CSMD1: variants seen among roughly 807,000 people sequenced by gnomAD.
CSMD1 encodes the protein CUB and sushi domain-containing protein 1.
Under a neutral mutation model 417.5 loss-of-function variants are expected in CSMD1, and 213 were observed. The observed-to-expected ratio is 0.51, with a 90% CI of 0.46 to 0.57. CSMD1 has a LOEUF of 0.57. Ranked by LOEUF, CSMD1 falls within the 20% of genes least tolerant of loss-of-function variation. The probability of loss-of-function intolerance (pLI) is 0.00; values close to 1 mark genes in which losing one functional copy is unlikely to be tolerated. For missense variants in CSMD1, 6,923 were observed against 4,529.7 expected (o/e 1.53, Z -15.17); for synonymous variants, 2,862 against 1,736.8 (o/e 1.65, Z -16.11).
At chr8:4,820,084 C>T (rs1164084174) in intron 1 of CSMD1, among the ~76,000 whole-genome samples, 1 of 152,154 alleles carries the variant, frequency 6.6e-6, no homozygotes, top group Non-Finnish European at 1.5e-5. Flanking sequence ...TACCTCTGGT[C>T]CAAGAAAGCC....
intron 1 of CSMD1, among the ~76,000 whole-genome samples, chr8:4,647,664 T>G (rs185987323): frequency 6.6e-5 from 10 of 151,638 alleles, no homozygotes; most frequent in South Asian, 2.1e-4. Flanking sequence ...GAATATGTGG[T>G]GTTTGGTTTT....
At chr8:3,586,612 G>A (rs917676696) in intron 8 of CSMD1, among the ~76,000 whole-genome samples, 1 of 152,126 alleles carries the variant, frequency 6.6e-6, no homozygotes, top group Non-Finnish European at 1.5e-5. Flanking sequence ...CTGAAAACAA[G>A]AGGAAGTTGG....
intron 7 of CSMD1, among the ~76,000 whole-genome samples, chr8:3,645,215 C>G (rs1044144294): frequency 2.0e-5 from 3 of 152,254 alleles, no homozygotes; most frequent in South Asian, 2.1e-4. Flanking sequence ...AACCAATGCA[C>G]AGTCCAAAGA....
chr8:3,990,322 T>G (rs879555256), intron 5 of CSMD1, among the ~76,000 whole-genome samples: 1 of 152,306 alleles, frequency 6.6e-6, no homozygotes, highest in African/African-American at 2.4e-5. Flanking sequence ...TGAGGTTAAT[T>G]TGGAGAAATC....
At chr8:4,074,053 G>A (rs1361124460) in intron 3 of CSMD1, among the ~76,000 whole-genome samples, 1 of 151,966 alleles carries the variant, frequency 6.6e-6, no homozygotes, top group East Asian at 1.9e-4. Flanking sequence ...ATTTAGTTTT[G>A]TTATAATATT....
chr8:3,953,807 C>T (rs1811742828), intron 5 of CSMD1, among the ~76,000 whole-genome samples: 1 of 152,106 alleles, frequency 6.6e-6, no homozygotes, highest in African/African-American at 2.4e-5. Context: ...AGCTATACAG[C>T]CATGAGAGGT....
intron 1 of CSMD1, among the ~76,000 whole-genome samples, chr8:4,786,383 T>C (rs79958049): frequency 0.011 from 1,613 of 152,316 alleles, 14 homozygotes; most frequent in East Asian, 0.057. Flanking sequence ...GTGCAGAACA[T>C]GCATCGGTCA....
chr8:2,940,960 C>T (rs1329644312), intron 69 of CSMD1, among the ~76,000 whole-genome samples: 2 of 152,122 alleles, frequency 1.3e-5, no homozygotes, highest in East Asian at 3.9e-4. Flanking sequence ...TTGTGTATAT[C>T]CCTTTAAGAA....
rs776812360 is a variant in CSMD1 at position 4,402,711 on chromosome 8, G to A, written c.415+17242C>T. 4.6e-5 allele frequency among the ~76,000 whole-genome samples: 7 copies of A among 150,934 alleles called. No individual in the cohort carries two copies. The East Asian group carries it at 7.8e-4, about 17-fold the overall frequency. ...AAATAGAAGCAATGTGAAAACAGCC[G>A]TCATATCCTTCTCTCACCTCATTCA... On this transcript the variant is annotated intron_variant, in intron 3 of 69. Transcript: ENST00000635120.
chr8:4,294,635 T>C (rs1233892537), intron 3 of CSMD1, among the ~76,000 whole-genome samples: 1 of 152,138 alleles, frequency 6.6e-6, no homozygotes, highest in East Asian at 1.9e-4. Flanking sequence ...AACAACTTGA[T>C]AGAAAGTTAT....
chr8:3,266,360 C>A (rs1240465667), intron 26 of CSMD1, among the ~76,000 whole-genome samples: 1 of 151,794 alleles, frequency 6.6e-6, no homozygotes, highest in Non-Finnish European at 1.5e-5. Context: ...AATCCCAGCA[C>A]TGTGGGAGGC....
intron 5 of CSMD1, among the ~76,000 whole-genome samples, chr8:3,882,647 T>C (rs536116132): frequency 6.6e-6 from 1 of 152,296 alleles, no homozygotes; most frequent in East Asian, 1.9e-4. Flanking sequence ...CCCTCAGGGA[T>C]ATAAATAAGT....
intron 5 of CSMD1, among the ~76,000 whole-genome samples, chr8:3,931,423 A>C (rs114892842): frequency 0.012 from 1,760 of 150,694 alleles, 123 homozygotes; most frequent in African/African-American, 0.04. Flanking sequence ...ATTGTGGAAA[A>C]AAAAATCTTT....
intron 2 of CSMD1, among the ~76,000 whole-genome samples, chr8:4,474,933 T>G (rs758360757): frequency 1.3e-5 from 2 of 152,224 alleles, no homozygotes; most frequent in Non-Finnish European, 2.9e-5. Context: ...AATGTGTTAA[T>G]TGACGGTTTG....
At chr8:4,199,874 T>C (rs1799550065) in intron 3 of CSMD1, among the ~76,000 whole-genome samples, 1 of 152,112 alleles carries the variant, frequency 6.6e-6, no homozygotes, top group Non-Finnish European at 1.5e-5. Flanking sequence ...ACCATGACAA[T>C]ATTTTTAGGC....
At chr8:3,485,626 G>A (rs1031048189) in intron 11 of CSMD1, among the ~76,000 whole-genome samples, 1 of 151,756 alleles carries the variant, frequency 6.6e-6, no homozygotes, top group African/African-American at 2.4e-5. Flanking sequence ...TGGGTGTGGT[G>A]GCGCATGCTG....
intron 1 of CSMD1, among the ~76,000 whole-genome samples, chr8:4,889,057 A>G (rs1374252150): frequency 6.6e-6 from 1 of 152,140 alleles, no homozygotes; most frequent in African/African-American, 2.4e-5. Flanking sequence ...AGAAGGATGA[A>G]TATGTGGTAA....
chr8:4,142,098 T>A (rs1301369325), intron 3 of CSMD1, among the ~76,000 whole-genome samples: 1 of 151,178 alleles, frequency 6.6e-6, no homozygotes, highest in East Asian at 1.9e-4. Flanking sequence ...CATTCCCTAA[T>A]GTTTGAAGCA....
chr8:4,246,811 A>T (rs918376474), intron 3 of CSMD1, among the ~76,000 whole-genome samples: 14 of 152,200 alleles, frequency 9.2e-5, no homozygotes, highest in African/African-American at 3.4e-4. Flanking sequence ...AGTATAGGAC[A>T]TTTGACTTGT....
Sources: gnomAD v4.1 joint callset for allele counts (sites outside exome capture counted in the v4.1 genomes callset) on GRCh38, gnomAD v4.1.1 for gene constraint, MANE v1.5 for transcripts, NCBI Gene and HGNC (gene_info 2026-07-23, HGNC 2026-07-21) for gene names.